Variants in SLC4A4 observed in about 807,000 individuals in gnomAD.
The protein encoded by SLC4A4 is electrogenic sodium bicarbonate cotransporter 1.
SLC4A4 carries 27 observed loss-of-function variants against 111.5 expected under a neutral mutation model. The observed-to-expected ratio is 0.24, with a 90% CI of 0.18 to 0.33. The LOEUF is 0.33. SLC4A4 is among the 10% of genes least tolerant of loss of function. SLC4A4 has a pLI of 1.00. For synonymous variants in SLC4A4, 443 were observed against 463.4 expected (o/e 0.96, Z 0.57); for missense variants, 909 against 1,315.5 (o/e 0.69, Z 4.78).
intron 1 of SLC4A4, among the ~76,000 whole-genome samples, chr4:71,189,122 A>G (rs1214741611): frequency 1.3e-5 from 2 of 152,176 alleles, no homozygotes; most frequent in Non-Finnish European, 2.9e-5. Context: ...AAGATGGGAT[A>G]TTTTGATAGT....
chr4:71,091,885 T>C (rs1047654165), intron 1 of SLC4A4, among the ~76,000 whole-genome samples: 8 of 152,226 alleles, frequency 5.3e-5, no homozygotes, highest in African/African-American at 1.9e-4. Context: ...GCGTTTGTTC[T>C]TTTTTACTGC....
chr4:71,068,266 T>C (rs1003378208), intron 1 of SLC4A4, among the ~76,000 whole-genome samples: 9 of 152,024 alleles, frequency 5.9e-5, no homozygotes, highest in East Asian at 1.9e-4. Flanking sequence ...GGTTTCACCA[T>C]GTTAGTCAGG....
rs1062677 is a variant in SLC4A4 at position 71,567,828 on chromosome 4, A to C, written c.*77A>C. The C allele has an allele frequency of 0.2, 308,411 of 1,546,794 alleles. 33,164 individuals are homozygous for C. The highest frequency in any genetic ancestry group is 0.35 in the Admixed American group (17,989 of 50,838). ...AGTAAAAGTTGTGCCTCAAATTAGA[A>C]TAGAACTTGAACCTGAAGACAATGA... On this transcript the variant is annotated 3_prime_UTR_variant, in exon 26 of 26. Transcript: ENST00000264485.
intron 14 of SLC4A4, among the ~76,000 whole-genome samples, chr4:71,474,804 A>G (rs1411065207): frequency 6.6e-6 from 1 of 151,904 alleles, no homozygotes; most frequent in African/African-American, 2.4e-5. Context: ...TCAGCTGTAT[A>G]CTGATTTGAA....
At chr4:71,137,659 T>G (rs550805009) in intron 2 of SLC4A4, among the ~76,000 whole-genome samples, 30 of 152,314 alleles carry the variant, frequency 2.0e-4, no homozygotes, top group South Asian at 6.2e-4. Flanking sequence ...GGATAGAAAA[T>G]TCTCAAGTGG....
chr4:71,375,149 T>C (rs1184450967), intron 6 of SLC4A4, among the ~76,000 whole-genome samples: 1 of 152,146 alleles, frequency 6.6e-6, no homozygotes, highest in Non-Finnish European at 1.5e-5. Context: ...GGGTCAGTGG[T>C]TATAGTTGGG....
At chr4:71,224,958 C>T (rs1444923837) in intron 1 of SLC4A4, among the ~76,000 whole-genome samples, 5 of 152,186 alleles carry the variant, frequency 3.3e-5, no homozygotes, top group Non-Finnish European at 7.4e-5. Flanking sequence ...AAAGTCCCTA[C>T]CTCATGGCAT....
chr4:71,248,685 T>C (rs959877298), intron 2 of SLC4A4, among the ~76,000 whole-genome samples: 4 of 152,194 alleles, frequency 2.6e-5, no homozygotes, highest in African/African-American at 9.6e-5. Flanking sequence ...TGATGATCAC[T>C]GAACATAATA....
chr4:71,423,687 C>T (rs1001643534), intron 7 of SLC4A4, among the ~76,000 whole-genome samples: 1 of 152,138 alleles, frequency 6.6e-6, no homozygotes, highest in Non-Finnish European at 1.5e-5. Context: ...AATAACGCCG[C>T]ATATCTACAA....
At chr4:71,311,924 A>AGAGAGAGAGAGAGAGAGAGG in intron 3 of SLC4A4, among the ~76,000 whole-genome samples, 3 of 151,386 alleles carry the variant, frequency 2.0e-5, no homozygotes, top group East Asian at 1.9e-4. Context: ...AGAGAGAGAG[A>AGAGAGAGAGAGAGAGAGAGG]GAGAGAGAGA....
At position 71,196,654 on chromosome 4, in the gene SLC4A4, G is replaced by A. The variant is rs574854196; in HGVS notation, c.-2+9253G>A. On this transcript the variant is annotated intron_variant, in intron 1 of 25. Coordinates refer to ENST00000264485, the MANE Select transcript of SLC4A4 (RefSeq NM_001098484.3). ...GGTGGCCAGAAAATGCTTATTTAAT[G>A]GAGGGATACTTAGTATTTTTAAAAT... 5.4e-4 allele frequency among the ~76,000 whole-genome samples: 82 copies of A among 151,488 alleles called. 1 individual carries two copies. The highest frequency in any genetic ancestry group is 6.8e-3 in the Middle Eastern group (2 of 294).
chr4:71,150,066 A>G (rs931165212), intron 2 of SLC4A4, among the ~76,000 whole-genome samples: 2 of 152,152 alleles, frequency 1.3e-5, no homozygotes, highest in African/African-American at 2.4e-5. Context: ...TCTGTAGTAT[A>G]TGTTCATAAA....
chr4:71,128,843 C>G (rs142291142), intron 2 of SLC4A4, among the ~76,000 whole-genome samples: 1 of 152,176 alleles, frequency 6.6e-6, no homozygotes, highest in Non-Finnish European at 1.5e-5. Flanking sequence ...GCCTGAATTA[C>G]TCTCAATCCC....
chr4:71,352,973 A>G (rs1729975135), intron 5 of SLC4A4, among the ~76,000 whole-genome samples: 1 of 152,146 alleles, frequency 6.6e-6, no homozygotes, highest in African/African-American at 2.4e-5. Context: ...TGTCTTTGGG[A>G]TCTTCATCAC....
At chr4:71,067,849 G>C (rs1410274829) in intron 1 of SLC4A4, among the ~76,000 whole-genome samples, 1 of 151,922 alleles carries the variant, frequency 6.6e-6, no homozygotes, top group Non-Finnish European at 1.5e-5. Flanking sequence ...CTGGGCTCAA[G>C]TGATCCTTCC....
At chr4:71,207,615 T>C (rs895492759) in intron 1 of SLC4A4, among the ~76,000 whole-genome samples, 52 of 152,306 alleles carry the variant, frequency 3.4e-4, no homozygotes, top group African/African-American at 1.1e-3. Context: ...TTTTCTGCAG[T>C]GGTAAAGGAA....
chr4:71,286,648 A>C (rs1435692510), intron 3 of SLC4A4, among the ~76,000 whole-genome samples: 3 of 152,234 alleles, frequency 2.0e-5, no homozygotes, highest in African/African-American at 7.2e-5. Flanking sequence ...TAGCTATACC[A>C]TTAAACAGTA....
chr4:71,380,631 G>A (rs1039989430), intron 6 of SLC4A4, among the ~76,000 whole-genome samples: 1 of 152,180 alleles, frequency 6.6e-6, no homozygotes, highest in Non-Finnish European at 1.5e-5. Context: ...TTATTATCAT[G>A]AGTAAGAAAT....
intron 7 of SLC4A4, among the ~76,000 whole-genome samples, chr4:71,428,428 C>T (rs945880524): frequency 2.0e-5 from 3 of 151,986 alleles, no homozygotes; most frequent in African/African-American, 4.8e-5. Flanking sequence ...TTAGTCATTA[C>T]GCCAGGACAA....
Sources: gnomAD v4.1 joint callset for allele counts (sites outside exome capture counted in the v4.1 genomes callset) on GRCh38, gnomAD v4.1.1 for gene constraint, MANE v1.5 for transcripts, NCBI Gene and HGNC (gene_info 2026-07-23, HGNC 2026-07-21) for gene names.